Variants in TMEM132D observed in about 807,000 individuals in gnomAD.
TMEM132D encodes the protein mature OL transmembrane protein.
TMEM132D carries 21 observed loss-of-function variants against 62.3 expected under a neutral mutation model. The ratio of observed to expected loss-of-function variants is 0.34; its 90% confidence interval spans 0.24 to 0.49. The LOEUF is 0.49. TMEM132D is among the 20% of genes least tolerant of loss of function. The probability of loss-of-function intolerance (pLI) is 0.99; values close to 1 mark genes in which losing one functional copy is unlikely to be tolerated. For synonymous variants in TMEM132D, 621 were observed against 575.6 expected (o/e 1.08, Z -1.13); for missense variants, 1,346 against 1,402.8 (o/e 0.96, Z 0.65).
chr12:129,734,287 A>T (rs1407652499), intron 1 of TMEM132D, among the ~76,000 whole-genome samples: 1 of 152,236 alleles, frequency 6.6e-6, no homozygotes, highest in African/African-American at 2.4e-5. Context: ...GATGTCCAAA[A>T]GAACCTTTTC....
intron 8 of TMEM132D, among the ~76,000 whole-genome samples, chr12:129,075,589 A>G (rs377302995): frequency 6.6e-6 from 1 of 152,310 alleles, no homozygotes; most frequent in South Asian, 2.1e-4. Flanking sequence ...TGGTTTTGCC[A>G]GCCCTGCCTT....
intron 3 of TMEM132D, among the ~76,000 whole-genome samples, chr12:129,472,503 G>A (rs1470712167): frequency 6.6e-6 from 1 of 152,140 alleles, no homozygotes; most frequent in East Asian, 1.9e-4. Flanking sequence ...AAACCTAGAT[G>A]ACGGGTTGAT....
At chr12:129,313,036 AAT>A (rs1882019585) in intron 4 of TMEM132D, among the ~76,000 whole-genome samples, 2 of 152,174 alleles carry the variant, frequency 1.3e-5, no homozygotes, top group Admixed American at 1.3e-4. Flanking sequence ...AGGTTCCAGG[AAT>A]ATGTTTGGAA....
At chr12:129,747,742 GAC>G (rs555899994) in intron 1 of TMEM132D, among the ~76,000 whole-genome samples, 6 of 139,486 alleles carry the variant, frequency 4.3e-5, no homozygotes, top group South Asian at 4.6e-4. Flanking sequence ...ACACACACTT[GAC>G]ACACACACAT....
chr12:129,707,184 T>A lies in TMEM132D; in HGVS notation c.80-6486A>T, dbSNP rs568863673. On this transcript the variant is annotated intron_variant, in intron 1 of 8. Transcript: ENST00000422113. ...ATATATATAATATATACTATATCTA[T>A]AATAACATTGTAATATAATATATAA... Among the ~76,000 whole-genome samples, 499 of 148,074 alleles carry A rather than the reference T, an allele frequency of 3.4e-3. 3 individuals carry two copies. The highest frequency in any genetic ancestry group is 0.011 in the African/African-American group (459 of 40,846).
chr12:129,617,727 G>A (rs1878958878), intron 2 of TMEM132D, among the ~76,000 whole-genome samples: 1 of 152,122 alleles, frequency 6.6e-6, no homozygotes, highest in Non-Finnish European at 1.5e-5. Context: ...TCTTCTCACT[G>A]CATCCTCTCC....
intron 4 of TMEM132D, among the ~76,000 whole-genome samples, chr12:129,224,339 T>A (rs968367989): frequency 9.8e-5 from 15 of 152,362 alleles, no homozygotes; most frequent in African/African-American, 3.6e-4. Context: ...TCTCTAGACC[T>A]GCTGCATAGA....
chr12:129,153,190 C>T (rs986093721), intron 5 of TMEM132D, among the ~76,000 whole-genome samples: 6 of 152,138 alleles, frequency 3.9e-5, no homozygotes, highest in Non-Finnish European at 5.9e-5. Context: ...GGACTTTGCT[C>T]CACACACCTA....
intron 4 of TMEM132D, among the ~76,000 whole-genome samples, chr12:129,272,969 G>A (rs993687231): frequency 1.3e-5 from 2 of 151,824 alleles, no homozygotes; most frequent in Non-Finnish European, 2.9e-5. Flanking sequence ...GCCAAGGTGG[G>A]TGGATCACTT....
intron 2 of TMEM132D, among the ~76,000 whole-genome samples, chr12:129,639,960 A>G (rs569469438): frequency 2.0e-5 from 3 of 152,310 alleles, no homozygotes; most frequent in Admixed American, 1.3e-4. Flanking sequence ...CCACAGATGT[A>G]AGACTGCTAT....
chr12:129,860,468 C>G (rs1873857044), intron 1 of TMEM132D, among the ~76,000 whole-genome samples: 2 of 152,232 alleles, frequency 1.3e-5, no homozygotes, highest in Non-Finnish European at 2.9e-5. Flanking sequence ...TCAAAGGGGA[C>G]TGTTCTATTG....
chr12:129,718,043 TTA>T (rs1868656690), intron 1 of TMEM132D, among the ~76,000 whole-genome samples: 1 of 152,224 alleles, frequency 6.6e-6, no homozygotes. Flanking sequence ...AATGGATTTC[TTA>T]TGAGGGTAGC....
intron 2 of TMEM132D, among the ~76,000 whole-genome samples, chr12:129,645,179 G>A (rs567623255): frequency 1.3e-5 from 2 of 151,950 alleles, no homozygotes; most frequent in South Asian, 2.1e-4. Flanking sequence ...TTGAGAGTCC[G>A]ATACCTCTGA....
At chr12:129,574,310 T>C (rs139291087) in intron 2 of TMEM132D, among the ~76,000 whole-genome samples, 31 of 152,084 alleles carry the variant, frequency 2.0e-4, no homozygotes, top group African/African-American at 6.5e-4. Context: ...GTGTAAAATC[T>C]GATAAACATG....
intron 2 of TMEM132D, among the ~76,000 whole-genome samples, chr12:129,638,074 T>C (rs1879534467): frequency 1.3e-5 from 2 of 152,146 alleles, no homozygotes; most frequent in Non-Finnish European, 2.9e-5. Context: ...TCTGTGTAAG[T>C]GAAATGAAAC....
intron 5 of TMEM132D, among the ~76,000 whole-genome samples, chr12:129,207,099 C>T (rs989832308): frequency 1.3e-5 from 2 of 152,064 alleles, no homozygotes; most frequent in African/African-American, 4.8e-5. Context: ...TACCCCCAAA[C>T]CTGAAATAAA....
intron 5 of TMEM132D, among the ~76,000 whole-genome samples, chr12:129,102,520 AC>A (rs1199535286): frequency 4.0e-5 from 6 of 151,032 alleles, no homozygotes; most frequent in African/African-American, 7.3e-5. Flanking sequence ...GCACACACGC[AC>A]ACACACAACA....
At chr12:129,230,316 G>T (rs561628649) in intron 4 of TMEM132D, among the ~76,000 whole-genome samples, 4 of 149,134 alleles carry the variant, frequency 2.7e-5, no homozygotes, top group Admixed American at 6.7e-5. Context: ...GAGGGGGGGG[G>T]CTCCCCAGCC....
In TMEM132D at chr12:129,531,177, T is replaced by C. The variant is rs1303558626; in HGVS notation, c.997A>G (p.Ile333Val). 3 of 1,612,792 alleles carry C rather than the reference T, an allele frequency of 1.9e-6. No individual in the cohort carries two copies. In the East Asian group the frequency reaches 6.7e-5, roughly 36 times the overall value. Residue 333 changes from isoleucine (I) to valine (V), a missense_variant, in exon 3 of 9, where the codon ATC becomes GTC. Transcript: ENST00000422113. ...GAAGGGCTGCTGGCTCGCACGCCGA[T>C]GATGTTCACGCCTTTCTTCACCTTT... ...RAKVKKGVNI[I>V]GVRASSPSIW...
Sources: gnomAD v4.1 joint callset for allele counts (sites outside exome capture counted in the v4.1 genomes callset) on GRCh38, gnomAD v4.1.1 for gene constraint, MANE v1.5 for transcripts, NCBI Gene and HGNC (gene_info 2026-07-23, HGNC 2026-07-21) for gene names.